The following GOLGA4 variants were observed in gnomAD, a reference collection of about 807,000 sequenced individuals.
GOLGA4 encodes the protein golgin A4.
GOLGA4 carries 169 observed loss-of-function variants against 265.9 expected under a neutral mutation model. The ratio of observed to expected loss-of-function variants is 0.64; its 90% CI spans 0.56 to 0.72. GOLGA4 has a LOEUF of 0.72. Among genes scored for constraint, GOLGA4 ranks in the 30% least tolerant of loss-of-function variants. The pLI, the probability that GOLGA4 is intolerant of heterozygous loss-of-function variation, is 0.00. For synonymous variants in GOLGA4, 923 were observed against 855.8 expected (o/e 1.08, Z -1.37); for missense variants, 2,482 against 2,483.4 (o/e 1.00, Z 0.01).
chr3:37,341,615 A>G (rs2097034367), intron 20 of GOLGA4: 1 of 152,216 alleles, frequency 6.6e-6, no homozygotes, highest in South Asian at 2.1e-4. Context: ...TAGCTAAGTC[A>G]CTGAATATCT....
chr3:37,337,558 T>C (rs969225940), intron 18 of GOLGA4, 108 bp from the exon 19 acceptor site: 7 of 727,132 alleles, frequency 9.6e-6, no homozygotes, highest in Non-Finnish European at 1.7e-5. Context: ...TTCAGTGTTA[T>C]AAGTTAAAAC....
At chr3:37,311,786 C>G (rs1456315578) in intron 10 of GOLGA4, among the ~76,000 whole-genome samples, 1 of 152,128 alleles carries the variant, frequency 6.6e-6, no homozygotes, top group African/African-American at 2.4e-5. Flanking sequence ...CTTGGACAAA[C>G]TTTTAGTGGA....
At chr3:37,260,853 A>G (rs1018352082) in intron 2 of GOLGA4, among the ~76,000 whole-genome samples, 6 of 152,076 alleles carry the variant, frequency 3.9e-5, no homozygotes, top group Admixed American at 6.6e-5. Flanking sequence ...AGGAATTTCA[A>G]AGAAGTTTTT....
chr3:37,358,114 C>T (rs1193876198), intron 22 of GOLGA4, among the ~76,000 whole-genome samples: 1 of 152,164 alleles, frequency 6.6e-6, no homozygotes, highest in Non-Finnish European at 1.5e-5. Flanking sequence ...GGGATGCTTG[C>T]AAGAGTGTGG....
intron 2 of GOLGA4, among the ~76,000 whole-genome samples, chr3:37,275,507 A>G (rs1325388442): frequency 6.6e-6 from 1 of 152,028 alleles, no homozygotes; most frequent in Admixed American, 6.5e-5. Context: ...TGTACAGAAC[A>G]TATCCAGTGA....
chr3:37,360,897 T>C (rs1696202321), intron 22 of GOLGA4, among the ~76,000 whole-genome samples: 1 of 152,316 alleles, frequency 6.6e-6, no homozygotes, highest in South Asian at 2.1e-4. Context: ...ATGTGTACTT[T>C]CATGGAATTA....
Position 37,323,139 on chromosome 3 carries a change from T to TC in GOLGA4, c.1702-447dup, listed in dbSNP as rs1221633717. ...GTCTTTTTTTTTTTTTTTTTTTTTT[T>TC]CCAAGACAGAGGAGTCTCGCTTTGT... On this transcript the variant is annotated intron_variant, in intron 13 of 23. Transcript: ENST00000361924. Among the ~76,000 whole-genome samples, 69 of 130,768 alleles carry TC rather than the reference T, an allele frequency of 5.3e-4. 9 individuals carry two copies. Among genetic ancestry groups the TC allele is most frequent in the South Asian group, 6.8e-4 (3 of 4,420 alleles). The allele number at this position is 130,768 out of a possible 152,430, so 85.8% of individuals were successfully genotyped here.
chr3:37,276,383 G>A, intron 2 of GOLGA4: 1 of 1,607,420 alleles, frequency 6.2e-7, no homozygotes, highest in Non-Finnish European at 8.5e-7. Flanking sequence ...AATGGCTAGT[G>A]ATGAGCTGAA....
chr3:37,346,459 ATTATT>A (rs1350133836), intron 20 of GOLGA4, among the ~76,000 whole-genome samples: 8 of 152,140 alleles, frequency 5.3e-5, no homozygotes, highest in Non-Finnish European at 1.2e-4. Flanking sequence ...TTTATCTAAT[ATTATT>A]TTGAGATTCA....
chr3:37,271,707 A>G (rs933923336), intron 2 of GOLGA4, among the ~76,000 whole-genome samples: 1 of 152,124 alleles, frequency 6.6e-6, no homozygotes. Context: ...GTTCTGTTCC[A>G]TCAGTAAATA....
chr3:37,262,518 A>G (rs1210629152), intron 2 of GOLGA4, among the ~76,000 whole-genome samples: 1 of 146,670 alleles, frequency 6.8e-6, no homozygotes, highest in Non-Finnish European at 1.6e-5. Flanking sequence ...AAAGAAAAAA[A>G]TCCTGGAAAT....
intron 11 of GOLGA4, among the ~76,000 whole-genome samples, chr3:37,318,482 C>A (rs2096944255): frequency 6.6e-6 from 1 of 151,954 alleles, no homozygotes; most frequent in African/African-American, 2.4e-5. Context: ...TTGGTAGCTT[C>A]TTATTATTAC....
intron 22 of GOLGA4, among the ~76,000 whole-genome samples, chr3:37,360,842 C>G (rs1006020363): frequency 6.6e-6 from 1 of 151,980 alleles, no homozygotes; most frequent in African/African-American, 2.4e-5. Flanking sequence ...ATCATTTTCC[C>G]GAAAACTTTT....
chr3:37,357,713 ACT>A (rs1248824639), intron 22 of GOLGA4, among the ~76,000 whole-genome samples: 1 of 152,220 alleles, frequency 6.6e-6, no homozygotes, highest in African/African-American at 2.4e-5. Flanking sequence ...AATAAGAATC[ACT>A]GTCTTTGAAC....
At position 37,357,092 on chromosome 3, in the gene GOLGA4, T is replaced by A. The variant is rs149809395; in HGVS notation, c.6663+1905T>A. Among the ~76,000 whole-genome samples, 1,373 of 152,224 alleles carry A rather than the reference T, an allele frequency of 9.0e-3. 27 individuals are homozygous for A. The highest frequency in any genetic ancestry group is 0.032 in the African/African-American group (1,312 of 41,542). On this transcript the variant is annotated intron_variant, in intron 22 of 23. Transcript: ENST00000361924. ...ACAAAAAAGGTTTGTTTTTGTTAAG[T>A]TTAACTTAAAAAAAAAGAGTCTTTG... is the stretch of plus-strand genomic sequence containing the variant.
chr3:37,333,921 T>C (rs2097000243), intron 16 of GOLGA4, among the ~76,000 whole-genome samples: 1 of 152,224 alleles, frequency 6.6e-6, no homozygotes. Flanking sequence ...CTAACTATGT[T>C]TGCATTTGTT....
chr3:37,264,577 T>G (rs1433947484), intron 2 of GOLGA4, among the ~76,000 whole-genome samples: 1 of 152,246 alleles, frequency 6.6e-6, no homozygotes, highest in East Asian at 1.9e-4. Flanking sequence ...TAGTTAGTAT[T>G]CATAACTCTG....
chr3:37,276,511 C>A (rs372321199), intron 2 of GOLGA4: 23 of 1,608,020 alleles, frequency 1.4e-5, no homozygotes, highest in Non-Finnish European at 1.9e-5. Flanking sequence ...ATTGCACTTA[C>A]ACACAGGTAC....
chr3:37,279,408 G>T (rs1333213322), intron 2 of GOLGA4, among the ~76,000 whole-genome samples: 1 of 152,188 alleles, frequency 6.6e-6, no homozygotes, highest in African/African-American at 2.4e-5. Context: ...CTAGCTGTAA[G>T]ATGATCTTTT....
Sources: allele counts gnomAD v4.1 joint callset (sites outside exome capture counted in the v4.1 genomes callset), GRCh38; gene constraint gnomAD v4.1.1; transcripts MANE v1.5; gene names NCBI Gene and HGNC (gene_info 2026-07-23, HGNC 2026-07-21).